The following PEX5L variants were observed in gnomAD, a reference collection of about 807,000 sequenced individuals.
The protein encoded by PEX5L is PEX5-related protein.
In PEX5L, 30 loss-of-function variants were observed where a neutral mutation model predicts 84.0. That is an observed-to-expected ratio of 0.36 (90% CI 0.27 to 0.48). The LOEUF is 0.48. Ranked by LOEUF, PEX5L falls within the 20% of genes least tolerant of loss-of-function variation. The probability of loss-of-function intolerance (pLI) is 0.99; values close to 1 mark genes in which losing one functional copy is unlikely to be tolerated. For missense variants in PEX5L, 533 were observed against 754.6 expected, an observed-to-expected ratio of 0.71 and a Z score of 3.44; for synonymous variants, 270 against 283.1, an observed-to-expected ratio of 0.95 and a Z score of 0.46.
At chr3:179,833,310 G>A (rs1733815903) in intron 8 of PEX5L, among the ~76,000 whole-genome samples, 1 of 152,204 alleles carries the variant, frequency 6.6e-6, no homozygotes, top group South Asian at 2.1e-4. Context: ...GCTTTCAAGT[G>A]TCTCAACATA....
chr3:179,822,342 C>A (rs953256426), intron 8 of PEX5L, among the ~76,000 whole-genome samples: 3 of 152,124 alleles, frequency 2.0e-5, no homozygotes, highest in Admixed American at 2.0e-4. Context: ...TTTGTTGCAG[C>A]TTGAAATTAG....
At chr3:179,909,348 G>T (rs1371708364) in intron 2 of PEX5L, among the ~76,000 whole-genome samples, 2 of 152,268 alleles carry the variant, frequency 1.3e-5, no homozygotes, top group Middle Eastern at 3.4e-3. Flanking sequence ...TTAAATATCA[G>T]CAATAGAAGC....
intron 14 of PEX5L, among the ~76,000 whole-genome samples, chr3:179,803,530 G>A (rs1719938978): frequency 6.6e-6 from 1 of 152,144 alleles, no homozygotes; most frequent in Non-Finnish European, 1.5e-5. Context: ...TTGCTCAGGT[G>A]CCAGGTGCAC....
At chr3:179,944,657 G>A (rs1777047214) in intron 2 of PEX5L, among the ~76,000 whole-genome samples, 1 of 152,128 alleles carries the variant, frequency 6.6e-6, no homozygotes, top group Non-Finnish European at 1.5e-5. Context: ...CTGCTATACT[G>A]AGTTTATAAA....
At chr3:180,018,877 T>TTTG (rs200731999) in intron 1 of PEX5L, among the ~76,000 whole-genome samples, 27,951 of 151,898 alleles carry the variant, frequency 0.18, 2,717 homozygotes, top group African/African-American at 0.26. Context: ...TTGTCTGTTT[T>TTTG]TTGTTGTTGT....
intron 2 of PEX5L, among the ~76,000 whole-genome samples, chr3:179,907,087 G>C (rs939894127): frequency 6.6e-6 from 1 of 151,946 alleles, no homozygotes; most frequent in African/African-American, 2.4e-5. Context: ...GGTAAATATG[G>C]GGTCAAGACA....
At chr3:179,881,698 G>C (rs1754209940) in intron 4 of PEX5L, 1 of 152,064 alleles carries the variant, frequency 6.6e-6, no homozygotes, top group South Asian at 2.1e-4. Flanking sequence ...ACAAGAATCA[G>C]ATCCATACAC....
chr3:179,967,426 C>T (rs1783617643), intron 2 of PEX5L, among the ~76,000 whole-genome samples: 1 of 152,058 alleles, frequency 6.6e-6, no homozygotes, highest in African/African-American at 2.4e-5. Flanking sequence ...CTTTATAGAG[C>T]ACTTTTACAT....
chr3:180,010,732 T>A (rs974034464), intron 1 of PEX5L, among the ~76,000 whole-genome samples: 1 of 152,068 alleles, frequency 6.6e-6, no homozygotes, highest in Admixed American at 6.6e-5. Flanking sequence ...TATAGAAAAC[T>A]GACATTTCAT....
At chr3:180,015,916 CAA>C (rs1218494659) in intron 1 of PEX5L, among the ~76,000 whole-genome samples, 3 of 75,942 alleles carry the variant, frequency 4.0e-5, no homozygotes, top group Non-Finnish European at 7.7e-5. Flanking sequence ...AATAAATAAA[CAA>C]AAGTGTAAAA....
intron 2 of PEX5L, among the ~76,000 whole-genome samples, chr3:179,926,776 T>C (rs1050308304): frequency 6.6e-6 from 1 of 152,202 alleles, no homozygotes; most frequent in East Asian, 1.9e-4. Flanking sequence ...TCAACAAATA[T>C]CTGTGAAATG....
intron 1 of PEX5L, among the ~76,000 whole-genome samples, chr3:179,972,535 A>G (rs768944773): frequency 7.9e-5 from 12 of 152,150 alleles, no homozygotes; most frequent in Non-Finnish European, 1.8e-4. Context: ...AATAAAAACC[A>G]CTACATAGTT....
At chr3:179,827,748 G>C (rs1208933771) in intron 8 of PEX5L, among the ~76,000 whole-genome samples, 1 of 152,146 alleles carries the variant, frequency 6.6e-6, no homozygotes, top group Non-Finnish European at 1.5e-5. Flanking sequence ...TCTCCCAAAA[G>C]ACTGTTCTAG....
At chr3:180,004,237 T>A in intron 1 of PEX5L, among the ~76,000 whole-genome samples, 1 of 152,254 alleles carries the variant, frequency 6.6e-6, no homozygotes, top group East Asian at 1.9e-4. Flanking sequence ...AGACCACTGA[T>A]GCTAGCTACA....
At chr3:179,974,749 C>T (rs755442676) in intron 1 of PEX5L, among the ~76,000 whole-genome samples, 3 of 152,114 alleles carry the variant, frequency 2.0e-5, no homozygotes, top group Non-Finnish European at 4.4e-5. Flanking sequence ...GAACATTGAG[C>T]CTAACTGGTA....
At chr3:179,864,683 G>A (rs977787478) in intron 7 of PEX5L, among the ~76,000 whole-genome samples, 1 of 152,074 alleles carries the variant, frequency 6.6e-6, no homozygotes, top group African/African-American at 2.4e-5. Context: ...TAGATTTTAA[G>A]TATTCCCACT....
chr3:179,879,501 T>C (rs990699916), intron 5 of PEX5L, among the ~76,000 whole-genome samples: 56 of 152,312 alleles, frequency 3.7e-4, no homozygotes, highest in African/African-American at 1.3e-3. Flanking sequence ...GTAGCTGTTA[T>C]TATTGTATGG....
At chr3:180,013,028 T>C (rs1056955549) in intron 1 of PEX5L, among the ~76,000 whole-genome samples, 2 of 152,196 alleles carry the variant, frequency 1.3e-5, no homozygotes, top group African/African-American at 4.8e-5. Context: ...GGTCCTCAGT[T>C]GAGCTTTCTG....
intron 7 of PEX5L, among the ~76,000 whole-genome samples, chr3:179,874,091 T>A (rs766453960): frequency 6.6e-6 from 1 of 151,828 alleles, no homozygotes; most frequent in Non-Finnish European, 1.5e-5. Flanking sequence ...AAGTACACAG[T>A]GAATTCATTA....
Sources: allele counts gnomAD v4.1 joint callset (sites outside exome capture counted in the v4.1 genomes callset), GRCh38; gene constraint gnomAD v4.1.1; transcripts MANE v1.5; gene names NCBI Gene and HGNC (gene_info 2026-07-23, HGNC 2026-07-21).